The following AUTS2 variants were observed in gnomAD, a reference collection of about 807,000 sequenced individuals.
The protein encoded by AUTS2 is activator of transcription and developmental regulator AUTS2, also known as autism susceptibility gene 2 protein.
In AUTS2, 17 loss-of-function variants were observed where a neutral mutation model predicts 112.4. The observed-to-expected ratio is 0.15, with a 90% CI of 0.10 to 0.23. The LOEUF (loss-of-function observed/expected upper bound fraction) is 0.23, where lower values mean the gene tolerates loss of function less well. Ranked by LOEUF, AUTS2 falls within the 10% of genes least tolerant of loss-of-function variation. The pLI is 1.00. For synonymous variants in AUTS2, 751 were observed against 702.7 expected (o/e 1.07, Z -1.09); for missense variants, 1,510 against 1,701.6 (o/e 0.89, Z 1.98).
chr7:70,630,200 G>A (rs746478697), intron 5 of AUTS2, among the ~76,000 whole-genome samples: 13 of 152,168 alleles, frequency 8.5e-5, no homozygotes, highest in Non-Finnish European at 1.6e-4. Context: ...CCTAGGCAGC[G>A]TTACACAGCT....
chr7:70,129,830 G>A (rs1806176238), intron 3 of AUTS2, among the ~76,000 whole-genome samples: 1 of 151,436 alleles, frequency 6.6e-6, no homozygotes, highest in African/African-American at 2.4e-5. Context: ...TTATCAAGTT[G>A]TTGCTCCATT....
chr7:70,482,617 G>T (rs539077932), intron 5 of AUTS2, among the ~76,000 whole-genome samples: 1 of 152,256 alleles, frequency 6.6e-6, no homozygotes, highest in East Asian at 1.9e-4. Flanking sequence ...AGAGGGATTT[G>T]GGGGGAGGGC....
chr7:70,080,309 A>G (rs1184844584), intron 2 of AUTS2, among the ~76,000 whole-genome samples: 1 of 152,216 alleles, frequency 6.6e-6, no homozygotes, highest in Non-Finnish European at 1.5e-5. Context: ...GAAGTTATTC[A>G]TGTCCTCGAG....
intron 1 of AUTS2, among the ~76,000 whole-genome samples, chr7:69,733,306 A>G (rs890972585): frequency 2.0e-5 from 3 of 152,200 alleles, no homozygotes; most frequent in Admixed American, 1.3e-4. Context: ...TAAACTATGT[A>G]TATAGTCACT....
chr7:69,661,640 T>C (rs2533435), intron 1 of AUTS2, among the ~76,000 whole-genome samples: 93,832 of 152,006 alleles, frequency 0.62, 29,249 homozygotes, highest in East Asian at 0.7. Flanking sequence ...AGAGAAGTGC[T>C]TTTTAAAAAA....
At chr7:69,782,367 T>G (rs1371382825) in intron 1 of AUTS2, among the ~76,000 whole-genome samples, 1 of 101,338 alleles carries the variant, frequency 9.9e-6, no homozygotes, top group East Asian at 2.4e-4. Context: ...CTCTCTCTTG[T>G]TTTTTTTTTT....
chr7:70,377,367 T>TATATATATAC, intron 4 of AUTS2, among the ~76,000 whole-genome samples: 1 of 118,466 alleles, frequency 8.4e-6, no homozygotes. Flanking sequence ...TATATATATA[T>TATATATATAC]ATATATAGTG....
intron 4 of AUTS2, among the ~76,000 whole-genome samples, chr7:70,219,005 C>T (rs181955320): frequency 2.4e-4 from 36 of 152,174 alleles, no homozygotes; most frequent in African/African-American, 7.0e-4. Flanking sequence ...ATTTGTTCTG[C>T]GTATTATTTT....
intron 2 of AUTS2, among the ~76,000 whole-genome samples, chr7:70,051,253 C>T (rs1343274521): frequency 6.6e-6 from 1 of 152,246 alleles, no homozygotes; most frequent in Admixed American, 6.5e-5. Flanking sequence ...ACTGACCTTA[C>T]GGTGATGAAA....
At chr7:70,079,126 A>T (rs1584687313) in intron 2 of AUTS2, among the ~76,000 whole-genome samples, 1 of 152,232 alleles carries the variant, frequency 6.6e-6, no homozygotes, top group Non-Finnish European at 1.5e-5. Flanking sequence ...GACCTTGTGG[A>T]CTGCGTATCT....
At chr7:70,446,778 G>A (rs149962113) in intron 5 of AUTS2, among the ~76,000 whole-genome samples, 2 of 152,270 alleles carry the variant, frequency 1.3e-5, no homozygotes, top group East Asian at 3.9e-4. Context: ...GAGTCCAAGG[G>A]CCCTGACTTC....
chr7:70,105,672 A>G (rs1584729849), intron 2 of AUTS2, among the ~76,000 whole-genome samples: 2 of 152,314 alleles, frequency 1.3e-5, no homozygotes, highest in African/African-American at 4.8e-5. Context: ...TGCAAGAGCC[A>G]GAAATAAACT....
At chr7:70,160,020 G>A (rs1427183790) in intron 4 of AUTS2, among the ~76,000 whole-genome samples, 1 of 151,966 alleles carries the variant, frequency 6.6e-6, no homozygotes, top group African/African-American at 2.4e-5. Flanking sequence ...CTTACTTCTA[G>A]TTTTAGAGCT....
chr7:70,375,993 C>T (rs1413387966), intron 4 of AUTS2, among the ~76,000 whole-genome samples: 1 of 147,702 alleles, frequency 6.8e-6, no homozygotes, highest in Admixed American at 6.8e-5. Context: ...GAGGTGAGAA[C>T]GGAGGAGTAG....
chr7:70,536,289 A>C (rs1182063007), intron 5 of AUTS2, among the ~76,000 whole-genome samples: 1 of 152,198 alleles, frequency 6.6e-6, no homozygotes, highest in Non-Finnish European at 1.5e-5. Flanking sequence ...ACTCCATCTC[A>C]AAAAATTAAA....
chr7:70,705,324 G>A (rs1809677381), intron 6 of AUTS2, among the ~76,000 whole-genome samples: 1 of 152,178 alleles, frequency 6.6e-6, no homozygotes, highest in South Asian at 2.1e-4. Flanking sequence ...GAAAACTTCA[G>A]TGGAGAAAAT....
intron 2 of AUTS2, among the ~76,000 whole-genome samples, chr7:69,911,219 G>A (rs1455008566): frequency 6.6e-6 from 1 of 152,200 alleles, no homozygotes; most frequent in Non-Finnish European, 1.5e-5. Context: ...GGCTGTGGCT[G>A]GACAAGATGT....
intron 6 of AUTS2, among the ~76,000 whole-genome samples, chr7:70,719,321 C>T (rs1810542591): frequency 6.6e-6 from 1 of 152,120 alleles, no homozygotes; most frequent in African/African-American, 2.4e-5. Context: ...GTATCGCCTT[C>T]CAAAGTAAGC....
intron 4 of AUTS2, among the ~76,000 whole-genome samples, chr7:70,278,957 C>T (rs1380988690): frequency 6.6e-6 from 1 of 152,188 alleles, no homozygotes; most frequent in Non-Finnish European, 1.5e-5. Flanking sequence ...TTCTTAAGTG[C>T]TTTGGCCTCC....
Sources: allele counts gnomAD v4.1 joint callset (sites outside exome capture counted in the v4.1 genomes callset), GRCh38; gene constraint gnomAD v4.1.1; transcripts MANE v1.5; gene names NCBI Gene and HGNC (gene_info 2026-07-23, HGNC 2026-07-21).